TNFRSF21: variants seen among roughly 807,000 people sequenced by gnomAD.
TNFRSF21 encodes the protein tumor necrosis factor receptor superfamily member 21.
Under a neutral mutation model 45.6 loss-of-function variants are expected in TNFRSF21, and 19 were observed. The ratio of observed to expected loss-of-function variants is 0.42; its 90% CI spans 0.29 to 0.61. The LOEUF (loss-of-function observed/expected upper bound fraction) is 0.61, where lower values mean the gene tolerates loss of function less well. Among genes scored for constraint, TNFRSF21 ranks in the 20% least tolerant of loss-of-function variants. The pLI, the probability that TNFRSF21 is intolerant of heterozygous loss-of-function variation, is 0.23. For missense variants in TNFRSF21, 737 were observed against 851.5 expected (o/e 0.87, Z 1.67); for synonymous variants, 314 against 335.5 (o/e 0.94, Z 0.70).
chr6:47,254,061 A>G (rs1369840654), intron 3 of TNFRSF21, among the ~76,000 whole-genome samples: 1 of 152,228 alleles, frequency 6.6e-6, no homozygotes, highest in Admixed American at 6.5e-5. Flanking sequence ...GTTTTCACTT[A>G]AAGGAAGCAC....
intron 1 of TNFRSF21, among the ~76,000 whole-genome samples, chr6:47,302,690 T>C (rs1762881922): frequency 6.6e-6 from 1 of 152,208 alleles, no homozygotes; most frequent in African/African-American, 2.4e-5. Context: ...AACTGCTCAT[T>C]AAATTTCTGG....
chr6:47,247,358 G>GCTA (rs1764837580), intron 4 of TNFRSF21, among the ~76,000 whole-genome samples: 1 of 152,178 alleles, frequency 6.6e-6, no homozygotes, highest in African/African-American at 2.4e-5. Flanking sequence ...ACACAGCAGA[G>GCTA]GGCAGCTGCT....
At chr6:47,260,056 C>T (rs1765049838) in intron 3 of TNFRSF21, among the ~76,000 whole-genome samples, 1 of 152,180 alleles carries the variant, frequency 6.6e-6, no homozygotes, top group Admixed American at 6.5e-5. Context: ...CATATCAGTA[C>T]AATTCGGCTC....
Position 47,253,413 on chromosome 6 carries a change from C to G in TNFRSF21, c.1352G>C (p.Gly451Ala). 2 of 1,614,158 alleles carry G rather than the reference C, an allele frequency of 1.2e-6. No individual in the cohort carries two copies. Among genetic ancestry groups the G allele is most frequent in the Non-Finnish European group, 1.7e-6 (2 of 1,180,032 alleles). The change falls in exon 4 of 6, where the codon GGG (glycine) becomes GCG (alanine). Residue 451 changes from glycine to alanine, a missense_variant. Physicochemically the swap from Gly to Ala is moderately conservative, Grantham distance 60. Transcript: ENST00000296861. ...SEREVAAFSN[G>A]YTADHERAYA... ...GGCCCGCTCGTGGTCGGCTGTGTAC[C>G]CATTGGAGAAAGCAGCAACCTCCCT...
At chr6:47,292,825 C>T (rs1052098343) in intron 1 of TNFRSF21, among the ~76,000 whole-genome samples, 2 of 152,210 alleles carry the variant, frequency 1.3e-5, no homozygotes, top group Non-Finnish European at 2.9e-5. Context: ...ACACATAATA[C>T]ATACATATAT....
intron 3 of TNFRSF21, among the ~76,000 whole-genome samples, chr6:47,261,817 T>A (rs765713645): frequency 1.3e-5 from 2 of 152,244 alleles, no homozygotes; most frequent in Non-Finnish European, 2.9e-5. Context: ...ACAGAGTAAG[T>A]GCTCCTAAAA....
chr6:47,242,009 G>A (rs1255069119), intron 4 of TNFRSF21, among the ~76,000 whole-genome samples: 1 of 152,134 alleles, frequency 6.6e-6, no homozygotes, highest in Non-Finnish European at 1.5e-5. Context: ...TGGGATCACT[G>A]GATGTCATGG....
chr6:47,235,222 C>G (rs1764650496), intron 4 of TNFRSF21, among the ~76,000 whole-genome samples: 1 of 152,086 alleles, frequency 6.6e-6, no homozygotes, highest in Non-Finnish European at 1.5e-5. Flanking sequence ...TGAAAGGAGT[C>G]TTAGATATAA....
chr6:47,252,662 C>T (rs1450384886), intron 4 of TNFRSF21, among the ~76,000 whole-genome samples: 5 of 152,196 alleles, frequency 3.3e-5, no homozygotes, highest in Non-Finnish European at 7.3e-5. Context: ...GGATTCAAAT[C>T]CAGCGCTGTC....
At chr6:47,253,615 C>A in intron 3 of TNFRSF21, 94 bp from the exon 4 acceptor site, 1 of 1,430,362 alleles carries the variant, frequency 7.0e-7, no homozygotes, top group Non-Finnish European at 9.4e-7. Context: ...CTAGAAGAGG[C>A]ACGCTTTCCT....
chr6:47,232,957 G>A lies in TNFRSF21; in HGVS notation c.1776C>T (p.Asp592=), dbSNP rs781744118. The part of the protein sequence containing the change: ...KDTVLRQVRL[D]PCDLQPIFDD... ...CAAAGATAGGCTGCAAGTCACAGGG[G>A]TCCAGGCGTACCTGCCGCAACACTG... Residue 592 remains aspartate, a synonymous_variant, in exon 6 of 6, where the codon GAC becomes GAT. Coordinates refer to ENST00000296861, the MANE Select transcript of TNFRSF21 (RefSeq NM_014452.5). 1 of 1,614,138 alleles carries A rather than the reference G, an allele frequency of 6.2e-7. No individual in the cohort carries two copies. Among genetic ancestry groups the A allele is most frequent in the Non-Finnish European group, 8.5e-7 (1 of 1,180,040 alleles).
chr6:47,306,031 T>A (rs906061536), intron 1 of TNFRSF21, among the ~76,000 whole-genome samples: 3 of 152,146 alleles, frequency 2.0e-5, no homozygotes, highest in Non-Finnish European at 4.4e-5. Context: ...ATAGTACAAT[T>A]GGTAAAGTCA....
rs139507711 is a variant in TNFRSF21, at chr6:47,263,787, G to A, written c.1244-10266C>T. Among the ~76,000 whole-genome samples the A allele has an allele frequency of 3.3e-3, 501 of 152,290 alleles. 5 individuals are homozygous for A. The highest frequency in any genetic ancestry group is 8.7e-3 in the South Asian group (42 of 4,820). ...CACCTGAATGTATATTTTAATCAAT[G>A]TCTTTTCATAGTTTGGTTGCATTAT... On this transcript the variant is annotated intron_variant, in intron 3 of 5. Coordinates refer to ENST00000296861, the MANE Select transcript of TNFRSF21 (RefSeq NM_014452.5).
chr6:47,281,441 C>G (rs1461520359), intron 3 of TNFRSF21, among the ~76,000 whole-genome samples: 8 of 151,372 alleles, frequency 5.3e-5, no homozygotes, highest in Non-Finnish European at 1.2e-4. Flanking sequence ...AGTGCAGCGG[C>G]ACGATCCTGG....
intron 4 of TNFRSF21, among the ~76,000 whole-genome samples, chr6:47,240,156 A>G (rs952658831): frequency 4.6e-5 from 7 of 152,108 alleles, no homozygotes; most frequent in Non-Finnish European, 8.8e-5. Context: ...TCCCTAATAT[A>G]ACTAGATATG....
In TNFRSF21 at chr6:47,245,381, TTGTC is replaced by T. The variant is rs370293305; in HGVS notation, c.1509+7871_1509+7874del. On this transcript the variant is annotated intron_variant, in intron 4 of 5. Coordinates refer to ENST00000296861, the MANE Select transcript of TNFRSF21 (RefSeq NM_014452.5). Reference sequence around the variant, plus strand: ...GTGCTCTGATAATCTATTAAATAAATTGTCTGTGTTGAATTATCTCAACCTTAAA... The same window carrying T: ...GTGCTCTGATAATCTATTAAATAAATTGTGTTGAATTATCTCAACCTTAAA... Among the ~76,000 whole-genome samples, 94 of 152,046 alleles carry T rather than the reference TTGTC, an allele frequency of 6.2e-4. 1 individual carries two copies. Among genetic ancestry groups the T allele is most frequent in the African/African-American group, 2.1e-3 (87 of 41,468 alleles).
chr6:47,282,981 T>C lies in TNFRSF21; in HGVS notation c.1243+957A>G, dbSNP rs113117016. 8.3e-3 allele frequency among the ~76,000 whole-genome samples: 1,271 copies of C among 152,332 alleles called. 8 individuals carry two copies. Among genetic ancestry groups the C allele is most frequent in the Non-Finnish European group, 0.014 (920 of 68,030 alleles). ...TTCAGTGTTTCTGATTATACCTTTA[T>C]GATATATTCACAAGAATGGAATTGC... is the stretch of plus-strand genomic sequence containing the variant. On this transcript the variant is annotated intron_variant, in intron 3 of 5. Transcript: ENST00000296861.
intron 1 of TNFRSF21, among the ~76,000 whole-genome samples, chr6:47,297,510 C>CTTTTTTTTTTTTTTTT (rs55690288): frequency 6.0e-5 from 7 of 117,456 alleles, no homozygotes; most frequent in East Asian, 2.7e-4. Flanking sequence ...TCTCTTTTTA[C>CTTTTTTTTTTTTTTTT]TTTTTTTTTT....
At chr6:47,273,594 A>T (rs779785055) in intron 3 of TNFRSF21, among the ~76,000 whole-genome samples, 12 of 152,214 alleles carry the variant, frequency 7.9e-5, no homozygotes, top group Non-Finnish European at 1.2e-4. Context: ...CCCTTTGAAA[A>T]ATGGCACAAG....
Sources: allele counts gnomAD v4.1 joint callset (sites outside exome capture counted in the v4.1 genomes callset), GRCh38; gene constraint gnomAD v4.1.1; transcripts MANE v1.5; gene names NCBI Gene and HGNC (gene_info 2026-07-23, HGNC 2026-07-21).